HS6ST3: variants seen among roughly 807,000 people sequenced by gnomAD.
HS6ST3 encodes heparan sulfate 6-O-sulfotransferase 3, also known as heparan-sulfate 6-O-sulfotransferase 3.
In HS6ST3, 12 loss-of-function variants were observed where a neutral mutation model predicts 36.7. The observed-to-expected ratio is 0.33, with a 90% CI of 0.21 to 0.53. The LOEUF is 0.53. Among genes scored for constraint, HS6ST3 ranks in the 20% least tolerant of loss-of-function variants. The pLI, the probability that HS6ST3 is intolerant of heterozygous loss-of-function variation, is 0.95. For synonymous variants in HS6ST3, 240 were observed against 257.5 expected (o/e 0.93, Z 0.65); for missense variants, 584 against 640.9 (o/e 0.91, Z 0.96).
intron 1 of HS6ST3, among the ~76,000 whole-genome samples, chr13:96,350,779 A>C (rs1339998558): frequency 6.6e-6 from 1 of 152,218 alleles, no homozygotes; most frequent in Non-Finnish European, 1.5e-5. Flanking sequence ...AGTGCAGCAC[A>C]ATGAAGAGAC....
chr13:96,235,651 A>T (rs894749147), intron 1 of HS6ST3, among the ~76,000 whole-genome samples: 2 of 152,120 alleles, frequency 1.3e-5, no homozygotes, highest in African/African-American at 4.8e-5. Context: ...TCCTCCCCCA[A>T]CCACCATTCA....
At chr13:96,743,564 C>T (rs1876493145) in intron 1 of HS6ST3, among the ~76,000 whole-genome samples, 1 of 152,020 alleles carries the variant, frequency 6.6e-6, no homozygotes, top group Non-Finnish European at 1.5e-5. Flanking sequence ...TAGTGAATAA[C>T]TGGTCTTTCT....
Position 96,716,405 on chromosome 13 carries a change from T to C in HS6ST3, c.708-116085T>C, listed in dbSNP as rs917558728. 3.3e-5 allele frequency among the ~76,000 whole-genome samples: 5 copies of C among 152,294 alleles called. No individual in the cohort carries two copies. In the East Asian group the frequency reaches 7.7e-4, roughly 24 times the overall value. On this transcript the variant is annotated intron_variant, in intron 1 of 1. Coordinates refer to ENST00000376705, the MANE Select transcript of HS6ST3 (RefSeq NM_153456.4). ...GGCTTTATATTAAACAGTTATTTCT[T>C]GAAGGAATAACAACCAAGAGTGCAA... is the stretch of plus-strand genomic sequence containing the variant.
chr13:96,109,669 A>G (rs2053858762), intron 1 of HS6ST3, among the ~76,000 whole-genome samples: 1 of 152,154 alleles, frequency 6.6e-6, no homozygotes, highest in South Asian at 2.1e-4. Flanking sequence ...GGTATCAGGG[A>G]AGTCAAAGGG....
At chr13:96,704,187 GT>G (rs1875361502) in intron 1 of HS6ST3, among the ~76,000 whole-genome samples, 1 of 152,144 alleles carries the variant, frequency 6.6e-6, no homozygotes, top group Admixed American at 6.6e-5. Context: ...AAATCAATGG[GT>G]CATAATATCA....
Position 96,677,571 on chromosome 13 carries a change from T to C in HS6ST3, c.708-154919T>C, listed in dbSNP as rs546204591. Among the ~76,000 whole-genome samples the C allele has an allele frequency of 7.2e-5, 11 of 152,292 alleles. No individual in the cohort carries two copies. The East Asian group carries it at 2.1e-3, about 29-fold the overall frequency. On this transcript the variant is annotated intron_variant, in intron 1 of 1. Transcript: ENST00000376705. ...ATATGGATGTTTATATGCACACATC[T>C]CATACATTTTTTATTTGAGAAAAAT...
At chr13:96,096,390 ATGT>A (rs1250080633) in intron 1 of HS6ST3, among the ~76,000 whole-genome samples, 1 of 152,192 alleles carries the variant, frequency 6.6e-6, no homozygotes, top group Non-Finnish European at 1.5e-5. Context: ...GTAACTACTG[ATGT>A]TGTAAAAGGA....
At chr13:96,708,204 T>C (rs1447816592) in intron 1 of HS6ST3, among the ~76,000 whole-genome samples, 2 of 152,226 alleles carry the variant, frequency 1.3e-5, no homozygotes, top group African/African-American at 4.8e-5. Flanking sequence ...ATAGTGTGTT[T>C]GTGGAAAATG....
chr13:96,281,684 G>T (rs569024886), intron 1 of HS6ST3, among the ~76,000 whole-genome samples: 2 of 152,226 alleles, frequency 1.3e-5, no homozygotes, highest in African/African-American at 2.4e-5. Flanking sequence ...TTATCGTTCT[G>T]GTTCTAGTAC....
intron 1 of HS6ST3, among the ~76,000 whole-genome samples, chr13:96,204,688 TTCAC>T (rs2054360863): frequency 6.6e-6 from 1 of 152,070 alleles, no homozygotes; most frequent in Non-Finnish European, 1.5e-5. Flanking sequence ...GATTAAGAAA[TTCAC>T]TCATAAACCA....
intron 1 of HS6ST3, among the ~76,000 whole-genome samples, chr13:96,748,229 T>C (rs1876609640): frequency 6.6e-6 from 1 of 152,018 alleles, no homozygotes; most frequent in Admixed American, 6.6e-5. Context: ...CAGGATAAGA[T>C]TCTCTGTACC....
At chr13:96,551,293 G>C (rs571741325) in intron 1 of HS6ST3, among the ~76,000 whole-genome samples, 1 of 152,298 alleles carries the variant, frequency 6.6e-6, no homozygotes, top group South Asian at 2.1e-4. Flanking sequence ...TTACATTACA[G>C]TGCTTGGATG....
At chr13:96,197,487 G>A (rs1566284538) in intron 1 of HS6ST3, among the ~76,000 whole-genome samples, 1 of 152,150 alleles carries the variant, frequency 6.6e-6, no homozygotes, top group Non-Finnish European at 1.5e-5. Flanking sequence ...CAAATCTCAT[G>A]TCATCATATT....
chr13:96,216,461 A>T (rs1399433648), intron 1 of HS6ST3, among the ~76,000 whole-genome samples: 1 of 152,138 alleles, frequency 6.6e-6, no homozygotes, highest in Non-Finnish European at 1.5e-5. Context: ...TCTTTTGCTT[A>T]CGTCCTTGTT....
chr13:96,606,581 G>A (rs1045503806), intron 1 of HS6ST3, among the ~76,000 whole-genome samples: 97 of 142,200 alleles, frequency 6.8e-4, no homozygotes, highest in Non-Finnish European at 1.1e-3. Flanking sequence ...GGAGGAGGGA[G>A]AGAGGGAGGG....
intron 1 of HS6ST3, among the ~76,000 whole-genome samples, chr13:96,674,335 C>T (rs2138433264): frequency 6.6e-6 from 1 of 152,258 alleles, no homozygotes; most frequent in East Asian, 1.9e-4. Flanking sequence ...GCCAATTAAA[C>T]CTCTTTTCTT....
At chr13:96,278,139 T>G (rs998283730) in intron 1 of HS6ST3, among the ~76,000 whole-genome samples, 1 of 152,178 alleles carries the variant, frequency 6.6e-6, no homozygotes, top group Non-Finnish European at 1.5e-5. Flanking sequence ...TTCAATTTCC[T>G]CCCAGGAGTA....
chr13:96,241,298 T>C (rs1443195444), intron 1 of HS6ST3, among the ~76,000 whole-genome samples: 2 of 152,168 alleles, frequency 1.3e-5, no homozygotes, highest in African/African-American at 2.4e-5. Context: ...ACTCCTTCCA[T>C]TTCTATCACC....
At chr13:96,624,864 T>C (rs2056506770) in intron 1 of HS6ST3, among the ~76,000 whole-genome samples, 1 of 152,204 alleles carries the variant, frequency 6.6e-6, no homozygotes, top group African/African-American at 2.4e-5. Flanking sequence ...TGTTAATTTT[T>C]TTTCCAATTT....
Sources: gnomAD v4.1 joint callset for allele counts (sites outside exome capture counted in the v4.1 genomes callset) on GRCh38, gnomAD v4.1.1 for gene constraint, MANE v1.5 for transcripts, NCBI Gene and HGNC (gene_info 2026-07-23, HGNC 2026-07-21) for gene names.